FAM107B: variants seen among roughly 807,000 people sequenced by gnomAD.
FAM107B encodes the protein family with sequence similarity 107 member B, also known as protein FAM107B.
Under a neutral mutation model 31.5 loss-of-function variants are expected in FAM107B, and 21 were observed. The ratio of observed to expected loss-of-function variants is 0.67; its 90% CI spans 0.47 to 0.96. The LOEUF (loss-of-function observed/expected upper bound fraction) is 0.96, where lower values mean the gene tolerates loss of function less well. Among genes scored for constraint, FAM107B ranks in the 40% least tolerant of loss-of-function variants. FAM107B has a pLI of 0.00. For missense variants in FAM107B, 452 were observed against 377.1 expected, an observed-to-expected ratio of 1.20 and a Z score of -1.64; for synonymous variants, 157 against 141.5, an observed-to-expected ratio of 1.11 and a Z score of -0.78.
chr10:14,679,849 G>A (rs1406438428), intron 1 of FAM107B, among the ~76,000 whole-genome samples: 1 of 152,178 alleles, frequency 6.6e-6, no homozygotes, highest in South Asian at 2.1e-4. Context: ...GCAGAGGAAC[G>A]AGGAAAGACT....
At chr10:14,697,193 G>A (rs1855286520) in intron 1 of FAM107B, among the ~76,000 whole-genome samples, 2 of 152,182 alleles carry the variant, frequency 1.3e-5, no homozygotes, top group Admixed American at 1.3e-4. Flanking sequence ...CCTTAAAGAG[G>A]AGCTGGAAAG....
chr10:14,745,469 T>C (rs1408096775), intron 1 of FAM107B, among the ~76,000 whole-genome samples: 2 of 152,168 alleles, frequency 1.3e-5, no homozygotes, highest in African/African-American at 4.8e-5. Context: ...AACACTACTT[T>C]AGCTGCATCC....
intron 1 of FAM107B, among the ~76,000 whole-genome samples, chr10:14,703,814 C>T (rs931708388): frequency 1.3e-5 from 2 of 152,296 alleles, no homozygotes; most frequent in South Asian, 2.1e-4. Context: ...AATGCTGTCT[C>T]GATTTTTTTA....
At chr10:14,675,078 G>T (rs1239952431) in intron 1 of FAM107B, among the ~76,000 whole-genome samples, 1 of 152,056 alleles carries the variant, frequency 6.6e-6, no homozygotes. Context: ...GAAAATACTT[G>T]CATGCCCATA....
Position 14,594,441 on chromosome 10 carries a change from C to T in FAM107B, c.470-63926G>A, listed in dbSNP as rs115071060. Among the ~76,000 whole-genome samples, 1,143 of 145,752 alleles carry T rather than the reference C, an allele frequency of 7.8e-3. 19 individuals carry two copies. The highest frequency in any genetic ancestry group is 0.027 in the African/African-American group (1,062 of 39,712). On this transcript the variant is annotated intron_variant, in intron 2 of 4. Transcript: ENST00000181796. ...ATCCCTTGAGCCCAGGAGTTCAAGGCTGCAGTGAGCTATGGTGGCACTGCT... is the reference window on the plus strand; with the variant it reads ...ATCCCTTGAGCCCAGGAGTTCAAGGTTGCAGTGAGCTATGGTGGCACTGCT...
intron 1 of FAM107B, among the ~76,000 whole-genome samples, chr10:14,697,337 C>T (rs1342207916): frequency 6.6e-6 from 1 of 152,180 alleles, no homozygotes; most frequent in Admixed American, 6.5e-5. Flanking sequence ...CAGAACAGTT[C>T]CTTCAGATTT....
intron 2 of FAM107B, among the ~76,000 whole-genome samples, chr10:14,617,781 G>A (rs1162301083): frequency 6.7e-6 from 1 of 148,738 alleles, no homozygotes; most frequent in Non-Finnish European, 1.5e-5. Flanking sequence ...AAAGGCCTGA[G>A]ACAGGCCCAT....
chr10:14,754,437 A>T (rs1204828919), intron 1 of FAM107B, among the ~76,000 whole-genome samples: 2 of 152,176 alleles, frequency 1.3e-5, no homozygotes, highest in Non-Finnish European at 2.9e-5. Context: ...TATCCCTTAA[A>T]CACGAGGACA....
chr10:14,716,872 C>T (rs1452097558), intron 1 of FAM107B, among the ~76,000 whole-genome samples: 4 of 152,108 alleles, frequency 2.6e-5, no homozygotes, highest in Admixed American at 6.5e-5. Context: ...GGTTGATCAC[C>T]TGAGGTCAGG....
At chr10:14,689,313 G>A (rs1855068619) in intron 1 of FAM107B, among the ~76,000 whole-genome samples, 2 of 150,610 alleles carry the variant, frequency 1.3e-5, no homozygotes, top group African/African-American at 2.5e-5. Flanking sequence ...CCAGGAGGTC[G>A]AGGCTGCACA....
At chr10:14,664,128 T>C (rs1319853426) in intron 2 of FAM107B, among the ~76,000 whole-genome samples, 1 of 152,226 alleles carries the variant, frequency 6.6e-6, no homozygotes, top group Non-Finnish European at 1.5e-5. Flanking sequence ...CCCCTACTTA[T>C]GTCTCTGTTT....
intron 1 of FAM107B, among the ~76,000 whole-genome samples, chr10:14,767,415 T>C (rs1356773536): frequency 6.6e-6 from 1 of 151,500 alleles, no homozygotes; most frequent in Admixed American, 6.6e-5. Flanking sequence ...AATAGAAAGA[T>C]CCTCAACAAA....
chr10:14,707,512 C>T (rs187383485), intron 1 of FAM107B, among the ~76,000 whole-genome samples: 7 of 152,114 alleles, frequency 4.6e-5, no homozygotes, highest in Non-Finnish European at 5.9e-5. Flanking sequence ...CCGAGACTGA[C>T]GAGAGGTGAA....
intron 1 of FAM107B, among the ~76,000 whole-genome samples, chr10:14,718,494 A>T (rs1855834254): frequency 7.3e-6 from 1 of 136,130 alleles, no homozygotes. Context: ...GAGAGAAGGA[A>T]GGAAGGAAAG....
chr10:14,583,866 G>A (rs1239181125), intron 2 of FAM107B, among the ~76,000 whole-genome samples: 1 of 152,122 alleles, frequency 6.6e-6, no homozygotes, highest in African/African-American at 2.4e-5. Context: ...AGGATCCAGG[G>A]CCTGGGACAC....
chr10:14,601,490 C>G (rs1490562494), intron 2 of FAM107B, among the ~76,000 whole-genome samples: 23 of 152,126 alleles, frequency 1.5e-4, no homozygotes, highest in Admixed American at 1.5e-3. Flanking sequence ...CAAGGAAATG[C>G]AGCAAGGTCT....
At chr10:14,712,626 A>AAAAAAAAAAAAAAAAAAAAAAAG (rs1554851690) in intron 1 of FAM107B, among the ~76,000 whole-genome samples, 1 of 146,854 alleles carries the variant, frequency 6.8e-6, no homozygotes. Context: ...AACAAAAAAA[A>AAAAAAAAAAAAAAAAAAAAAAAG]AAGAAGAAGA....
intron 2 of FAM107B, among the ~76,000 whole-genome samples, chr10:14,595,060 G>A (rs969448627): frequency 2.0e-5 from 3 of 151,594 alleles, no homozygotes; most frequent in African/African-American, 4.9e-5. Flanking sequence ...AAGGCAAAAC[G>A]CTACAGACAA....
chr10:14,652,980 A>T (rs563208776), intron 2 of FAM107B: 1 of 152,236 alleles, frequency 6.6e-6, no homozygotes, highest in Non-Finnish European at 1.5e-5. Flanking sequence ...GCACAGAAAA[A>T]AATGTGATGC....
Sources: gnomAD v4.1 joint callset for allele counts (sites outside exome capture counted in the v4.1 genomes callset) on GRCh38, gnomAD v4.1.1 for gene constraint, MANE v1.5 for transcripts, NCBI Gene and HGNC (gene_info 2026-07-23, HGNC 2026-07-21) for gene names.